Variants in CCNY observed in about 807,000 individuals in gnomAD.
The protein encoded by CCNY is cyclin-Y.
CCNY carries 19 observed loss-of-function variants against 42.8 expected under a neutral mutation model. The ratio of observed to expected loss-of-function variants is 0.44; its 90% CI spans 0.31 to 0.65. The LOEUF is 0.65. Ranked by LOEUF, CCNY falls within the 30% of genes least tolerant of loss-of-function variation. The pLI is 0.07. For missense variants in CCNY, 370 were observed against 437.3 expected (o/e 0.85, Z 1.37); for synonymous variants, 165 against 162.7 (o/e 1.01, Z -0.11).
chr10:35,336,805 T>C lies in CCNY; in HGVS notation c.-249T>C, dbSNP rs917529137. 2 of 146,530 alleles carry C rather than the reference T, an allele frequency of 1.4e-5. No individual in the cohort carries two copies. Among genetic ancestry groups the C allele is most frequent in the African/African-American group, 4.9e-5 (2 of 40,508 alleles). The allele number at this position is 146,530 out of a possible 1,614,324, so 9.1% of individuals were successfully genotyped here. On this transcript the variant is annotated 5_prime_UTR_variant, in exon 1 of 10. Coordinates refer to ENST00000374704, the MANE Select transcript of CCNY (RefSeq NM_145012.6). ...GACCCGAGCGCTCCTCCGCCGCGGA[T>C]AGGCCGGCCGAGGGGGAGCCGGGGC...
intron 1 of CCNY, among the ~76,000 whole-genome samples, chr10:35,431,256 A>G (rs543881064): frequency 3.3e-5 from 5 of 151,256 alleles, no homozygotes; most frequent in African/African-American, 9.7e-5. Flanking sequence ...TTTTCCACCC[A>G]TGCTTGATCT....
chr10:35,253,414 A>ATTTTTTTT (rs61405875), intron 3 of CCNY, among the ~76,000 whole-genome samples: 2 of 89,036 alleles, frequency 2.2e-5, no homozygotes, highest in African/African-American at 4.7e-5. Context: ...CATGCTCACT[A>ATTTTTTTT]TTTTTTTTTT....
chr10:35,276,913 T>C (rs553667486), intron 3 of CCNY, among the ~76,000 whole-genome samples: 5 of 152,346 alleles, frequency 3.3e-5, no homozygotes, highest in African/African-American at 1.2e-4. Flanking sequence ...AGAGCCATCT[T>C]TGTGGTGTCT....
intron 3 of CCNY, among the ~76,000 whole-genome samples, chr10:35,303,641 G>T (rs1270675325): frequency 6.6e-6 from 1 of 151,046 alleles, no homozygotes; most frequent in Non-Finnish European, 1.5e-5. Flanking sequence ...GCTGGATGTA[G>T]TGGTGCATGC....
At chr10:35,387,217 A>G (rs995330200) in intron 1 of CCNY, among the ~76,000 whole-genome samples, 1 of 152,126 alleles carries the variant, frequency 6.6e-6, no homozygotes, top group Non-Finnish European at 1.5e-5. Flanking sequence ...AAAACTTATG[A>G]TTGATTGCTT....
intron 3 of CCNY, among the ~76,000 whole-genome samples, chr10:35,318,947 AGGG>A (rs1478718132): frequency 6.6e-6 from 1 of 152,106 alleles, no homozygotes; most frequent in Non-Finnish European, 1.5e-5. Context: ...TACTACATAT[AGGG>A]CTACTCAGAT....
upstream of CCNY, among the ~76,000 whole-genome samples, chr10:35,333,180 G>A (rs905727139): frequency 4.1e-4 from 62 of 152,196 alleles, no homozygotes; most frequent in African/African-American, 1.4e-3. Context: ...GACAGGCCTT[G>A]TTACAATGCT....
At chr10:35,568,765 A>G (rs1841623499) in intron 9 of CCNY, among the ~76,000 whole-genome samples, 1 of 152,226 alleles carries the variant, frequency 6.6e-6, no homozygotes. Flanking sequence ...ACACCCCTAG[A>G]TGGGGAGCCA....
chr10:35,553,937 G>GTA (rs1376697406), intron 8 of CCNY, among the ~76,000 whole-genome samples: 4 of 152,222 alleles, frequency 2.6e-5, no homozygotes, highest in African/African-American at 9.6e-5. Context: ...AGAAGGAATT[G>GTA]TAGAAAACAA....
At position 35,527,193 on chromosome 10, in the gene CCNY, G is replaced by T. The variant is rs75995357; in HGVS notation, c.401+1194G>T. Among the ~76,000 whole-genome samples, 1,453 of 152,274 alleles carry T rather than the reference G, an allele frequency of 9.5e-3. 9 individuals carry two copies. The highest frequency in any genetic ancestry group is 0.014 in the Non-Finnish European group (954 of 68,028). On this transcript the variant is annotated intron_variant, in intron 5 of 9. Transcript: ENST00000374704. ...TGGATTTAAGAACTTACAAAACAGT[G>T]CAACTTTGGAACTCTAAATCTTGAA...
chr10:35,393,768 G>A (rs1384896057), intron 1 of CCNY, among the ~76,000 whole-genome samples: 3 of 152,134 alleles, frequency 2.0e-5, no homozygotes, highest in South Asian at 4.1e-4. Context: ...GGAGGGAAAG[G>A]GCAGATGGCT....
intron 1 of CCNY, among the ~76,000 whole-genome samples, chr10:35,471,469 T>C (rs1839390503): frequency 6.6e-6 from 1 of 152,152 alleles, no homozygotes; most frequent in African/African-American, 2.4e-5. Flanking sequence ...TGGTGCTGGT[T>C]TAAAAGCCAA....
rs1354019666 is a variant in CCNY at position 35,557,297 on chromosome 10, T to G, written c.746+4112T>G. Among the ~76,000 whole-genome samples, 3 of 152,340 alleles carry G rather than the reference T, an allele frequency of 2.0e-5. No individual in the cohort carries two copies. The East Asian group carries it at 5.8e-4, about 29-fold the overall frequency. On this transcript the variant is annotated intron_variant, in intron 8 of 9. Transcript: ENST00000374704. ...CTGCTTTTTCTCCTTGAACTCATTA[T>G]TTTCTTTCTAGTTTCCTCACACATT...
intron 3 of CCNY, among the ~76,000 whole-genome samples, chr10:35,301,615 T>C (rs1835534538): frequency 1.3e-5 from 2 of 152,126 alleles, no homozygotes; most frequent in African/African-American, 4.8e-5. Context: ...TGGAAGCCTG[T>C]TTTCATCGCT....
intron 9 of CCNY, among the ~76,000 whole-genome samples, chr10:35,568,409 CCAGTGG>C (rs1841614183): frequency 6.6e-6 from 1 of 152,238 alleles, no homozygotes; most frequent in South Asian, 2.1e-4. Flanking sequence ...CTAGCCACAC[CCAGTGG>C]CAGCCCTGGG....
At chr10:35,481,103 A>G (rs1161308921) in intron 1 of CCNY, among the ~76,000 whole-genome samples, 1 of 152,242 alleles carries the variant, frequency 6.6e-6, no homozygotes, top group African/African-American at 2.4e-5. Context: ...TTCCCCCAAA[A>G]GGGTATCATA....
At chr10:35,494,809 G>A (rs767214522) in intron 2 of CCNY, among the ~76,000 whole-genome samples, 1 of 152,146 alleles carries the variant, frequency 6.6e-6, no homozygotes, top group Non-Finnish European at 1.5e-5. Context: ...ACATTCATAT[G>A]CAAAAGTACA....
intron 3 of CCNY, among the ~76,000 whole-genome samples, chr10:35,325,345 A>G (rs1564369148): frequency 6.6e-6 from 1 of 151,860 alleles, no homozygotes; most frequent in Non-Finnish European, 1.5e-5. Context: ...CACCTGGCTA[A>G]TTTTTTTATT....
At chr10:35,490,018 T>G (rs1258053207) in intron 2 of CCNY, among the ~76,000 whole-genome samples, 1 of 152,208 alleles carries the variant, frequency 6.6e-6, no homozygotes, top group Non-Finnish European at 1.5e-5. Flanking sequence ...ATTCTGCATG[T>G]CCCTCTGTCG....
Sources: allele counts gnomAD v4.1 joint callset (sites outside exome capture counted in the v4.1 genomes callset), GRCh38; gene constraint gnomAD v4.1.1; transcripts MANE v1.5; gene names NCBI Gene and HGNC (gene_info 2026-07-23, HGNC 2026-07-21).